The following MKLN1 variants were observed in gnomAD, a reference collection of about 807,000 sequenced individuals.
MKLN1 encodes muskelin.
A neutral mutation model predicts 99.0 loss-of-function variants in MKLN1; 18 were observed. That is an observed-to-expected ratio of 0.18 (90% CI 0.13 to 0.27). The LOEUF (loss-of-function observed/expected upper bound fraction) is 0.27, where lower values mean the gene tolerates loss of function less well. MKLN1 is among the 10% of genes least tolerant of loss of function. The pLI is 1.00. For missense variants in MKLN1, 621 were observed against 875.9 expected (o/e 0.71, Z 3.67); for synonymous variants, 288 against 293.2 (o/e 0.98, Z 0.18).
At position 131,463,196 on chromosome 7, in the gene MKLN1, AT is replaced by A. The variant is rs533293897; in HGVS notation, c.1526-14del. On this transcript the variant is annotated intron_variant, in intron 12 of 17. Coordinates refer to ENST00000352689, the MANE Select transcript of MKLN1 (RefSeq NM_013255.5). ...TATCTAATGTGAATATTTTCATCTT[AT>A]TTTTTTCTTTAATTTGTAGTTCCAA... The A allele has an allele frequency of 1.0e-4, 160 of 1,573,882 alleles. No individual in the cohort carries two copies. The African/African-American group carries it at 1.7e-3, about 17-fold the overall frequency.
intron 1 of MKLN1, among the ~76,000 whole-genome samples, chr7:131,352,817 CA>C (rs1799759119): frequency 6.6e-6 from 1 of 152,086 alleles, no homozygotes; most frequent in South Asian, 2.1e-4. Flanking sequence ...AGTTTATTTT[CA>C]GCTTTTAGTG....
At chr7:131,174,800 T>A (rs563862235) in intron 2 of MKLN1, among the ~76,000 whole-genome samples, 6 of 152,330 alleles carry the variant, frequency 3.9e-5, no homozygotes, top group Admixed American at 1.3e-4. Flanking sequence ...CCTGCCAAGT[T>A]GAATTAAAAA....
At chr7:131,147,302 C>G (rs553594927) in intron 2 of MKLN1, among the ~76,000 whole-genome samples, 53 of 151,696 alleles carry the variant, frequency 3.5e-4, no homozygotes, top group Non-Finnish European at 7.4e-5. Context: ...AGGTGATCCA[C>G]CCGCCTCGAC....
Position 131,342,085 on chromosome 7 carries a change from C to T in MKLN1, c.98+14088C>T, listed in dbSNP as rs1799423674. 2.0e-5 allele frequency among the ~76,000 whole-genome samples: 3 copies of T among 152,008 alleles called. No homozygotes were observed. The South Asian group carries it at 6.2e-4, about 32-fold the overall frequency. On this transcript the variant is annotated intron_variant, in intron 1 of 17. Transcript: ENST00000352689. ...TGGTTTCATTTCTTGGGTATATGTC[C>T]AGCAGTGGAATTTCTGGGTCATTTG... is the stretch of plus-strand genomic sequence containing the variant.
intron 1 of MKLN1, among the ~76,000 whole-genome samples, chr7:131,359,600 A>G (rs992915585): frequency 1.3e-5 from 2 of 152,166 alleles, no homozygotes; most frequent in African/African-American, 4.8e-5. Flanking sequence ...TCCAATTATA[A>G]TAATGCTTCT....
At chr7:131,157,728 T>A (rs990533455) in intron 2 of MKLN1, among the ~76,000 whole-genome samples, 1 of 152,078 alleles carries the variant, frequency 6.6e-6, no homozygotes, top group Non-Finnish European at 1.5e-5. Context: ...GACTCATCAG[T>A]TGTTTTTTTC....
intron 12 of MKLN1, among the ~76,000 whole-genome samples, chr7:131,449,248 G>A (rs776479317): frequency 2.0e-5 from 3 of 152,194 alleles, no homozygotes; most frequent in Non-Finnish European, 4.4e-5. Context: ...GGACTGGTAC[G>A]TATTGAGGAT....
chr7:131,395,714 G>A (rs1311703063), intron 4 of MKLN1, among the ~76,000 whole-genome samples: 1 of 150,828 alleles, frequency 6.6e-6, no homozygotes, highest in African/African-American at 2.4e-5. Flanking sequence ...AACTAGTGTT[G>A]TTATTAAAAA....
At chr7:131,204,123 C>T (rs1386117801) in intron 3 of MKLN1, among the ~76,000 whole-genome samples, 5 of 152,094 alleles carry the variant, frequency 3.3e-5, no homozygotes, top group Non-Finnish European at 5.9e-5. Context: ...TTCCCCAGAC[C>T]GCCTTGTTTA....
intron 2 of MKLN1, among the ~76,000 whole-genome samples, chr7:131,173,974 C>CTTTTTT (rs1191131472): frequency 6.4e-4 from 83 of 129,634 alleles, no homozygotes; most frequent in Admixed American, 7.1e-4. Flanking sequence ...TTTTCTTTTT[C>CTTTTTT]TTTTTTTTTT....
intron 8 of MKLN1, among the ~76,000 whole-genome samples, chr7:131,425,443 A>T (rs1417107043): frequency 6.6e-6 from 1 of 151,924 alleles, no homozygotes; most frequent in Non-Finnish European, 1.5e-5. Context: ...TATCTTTCTT[A>T]TGACATTTAG....
At chr7:131,328,759 C>T (rs1798975195) in intron 1 of MKLN1, among the ~76,000 whole-genome samples, 1 of 152,216 alleles carries the variant, frequency 6.6e-6, no homozygotes, top group African/African-American at 2.4e-5. Flanking sequence ...TGATTTTCAA[C>T]ACCGGCTTTG....
intron 1 of MKLN1, among the ~76,000 whole-genome samples, chr7:131,366,445 C>T (rs906988826): frequency 5.9e-5 from 9 of 152,022 alleles, no homozygotes; most frequent in Non-Finnish European, 8.8e-5. Flanking sequence ...CCTGACCAGC[C>T]CTTATCAGAA....
At chr7:131,341,904 C>T (rs921886338) in intron 1 of MKLN1, among the ~76,000 whole-genome samples, 1 of 152,204 alleles carries the variant, frequency 6.6e-6, no homozygotes, top group Non-Finnish European at 1.5e-5. Context: ...TCACCTCCTG[C>T]TGTGCATCTC....
intron 3 of MKLN1, among the ~76,000 whole-genome samples, chr7:131,304,882 AGGAGGT>A (rs1746526872): frequency 6.6e-6 from 1 of 152,196 alleles, no homozygotes; most frequent in African/African-American, 2.4e-5. Context: ...TGAGGCCTTT[AGGAGGT>A]GGTTAGGGAA....
intron 12 of MKLN1, among the ~76,000 whole-genome samples, chr7:131,451,080 G>A (rs1476406208): frequency 6.6e-6 from 1 of 151,992 alleles, no homozygotes; most frequent in African/African-American, 2.4e-5. Flanking sequence ...CTTTTAAAAA[G>A]TACATTTTTT....
chr7:131,296,435 C>T (rs753243439), intron 3 of MKLN1, among the ~76,000 whole-genome samples: 1 of 152,064 alleles, frequency 6.6e-6, no homozygotes, highest in African/African-American at 2.4e-5. Context: ...AGAAAAAATA[C>T]ACCAGAAATA....
intron 1 of MKLN1, among the ~76,000 whole-genome samples, chr7:131,342,003 T>C (rs948080568): frequency 6.6e-6 from 1 of 152,240 alleles, no homozygotes; most frequent in Non-Finnish European, 1.5e-5. Flanking sequence ...TATCCACTTA[T>C]TGGCTATTAT....
At chr7:131,183,158 A>G (rs952399018) in intron 2 of MKLN1, among the ~76,000 whole-genome samples, 1 of 152,214 alleles carries the variant, frequency 6.6e-6, no homozygotes, top group Admixed American at 6.5e-5. Context: ...AAAATCAATC[A>G]GATATTTACT....
Sources: gnomAD v4.1 joint callset for allele counts (sites outside exome capture counted in the v4.1 genomes callset) on GRCh38, gnomAD v4.1.1 for gene constraint, MANE v1.5 for transcripts, NCBI Gene and HGNC (gene_info 2026-07-23, HGNC 2026-07-21) for gene names.